Variants in FRMPD4 observed in about 807,000 individuals in gnomAD.
FRMPD4 encodes FERM and PDZ domain containing 4, also known as FERM and PDZ domain-containing protein 4.
In FRMPD4, 22 loss-of-function variants were observed where a neutral mutation model predicts 94.1. The ratio of observed to expected loss-of-function variants is 0.23; its 90% CI spans 0.17 to 0.33. FRMPD4 has a LOEUF of 0.33. Ranked by LOEUF, FRMPD4 falls within the 10% of genes least tolerant of loss-of-function variation. The probability of loss-of-function intolerance (pLI) is 1.00; values close to 1 mark genes in which losing one functional copy is unlikely to be tolerated. For missense variants in FRMPD4, 1,111 were observed against 1,339.9 expected (o/e 0.83, Z 2.67); for synonymous variants, 631 against 548.6 (o/e 1.15, Z -2.10).
intron 3 of FRMPD4, among the ~76,000 whole-genome samples, chrX:11,893,762 C>T (rs932938492): frequency 1.8e-5 from 2 of 111,512 alleles, no homozygotes; most frequent in Non-Finnish European, 3.8e-5. Flanking sequence ...CTAGGTGCAA[C>T]TACCATCCAA....
At chrX:12,474,676 T>C (rs757685832) in intron 1 of FRMPD4, among the ~76,000 whole-genome samples, 177 of 111,618 alleles carry the variant, frequency 1.6e-3, no homozygotes, top group African/African-American at 5.4e-3. Flanking sequence ...GAGAATACTA[T>C]AAACACCTCT....
intron 1 of FRMPD4, among the ~76,000 whole-genome samples, chrX:12,170,654 G>T (rs1181028965): frequency 8.9e-6 from 1 of 112,535 alleles, no homozygotes; most frequent in African/African-American, 3.2e-5. Flanking sequence ...ATTTTAAGCT[G>T]CTCCATTCTT....
chrX:12,107,651 T>C (rs767213111), intron 3 of FRMPD4, among the ~76,000 whole-genome samples: 2 of 111,228 alleles, frequency 1.8e-5, no homozygotes, highest in Non-Finnish European at 3.8e-5. Flanking sequence ...TTTGAACCCA[T>C]CACAAAGAAG....
At chrX:11,884,687 A>G (rs764270568) in intron 3 of FRMPD4, among the ~76,000 whole-genome samples, 15 of 111,601 alleles carry the variant, frequency 1.3e-4, no homozygotes, top group Non-Finnish European at 2.8e-4. Context: ...GTTTTAAGAG[A>G]TAATTGAGTT....
intron 1 of FRMPD4, among the ~76,000 whole-genome samples, chrX:11,856,524 T>A (rs1478364517): frequency 9.0e-6 from 1 of 111,117 alleles, no homozygotes; most frequent in Non-Finnish European, 1.9e-5. Context: ...TTAAAAAAAC[T>A]CTCAATAAGC....
intron 11 of FRMPD4, among the ~76,000 whole-genome samples, chrX:12,705,431 T>C (rs1009276096): frequency 4.5e-5 from 5 of 112,160 alleles, no homozygotes; most frequent in Middle Eastern, 4.6e-3. Context: ...TACAAATCAC[T>C]GTTTACGTGG....
chrX:12,019,002 C>T (rs998745739), intron 3 of FRMPD4, among the ~76,000 whole-genome samples: 9 of 111,566 alleles, frequency 8.1e-5, no homozygotes, highest in Non-Finnish European at 1.5e-4. Flanking sequence ...TTAAGTATTA[C>T]TCCCACCACG....
At chrX:12,223,333 A>G (rs956372377) in intron 1 of FRMPD4, among the ~76,000 whole-genome samples, 14 of 112,312 alleles carry the variant, frequency 1.2e-4, no homozygotes, top group Admixed American at 1.0e-3. Context: ...TGTTATCCTA[A>G]GCAAATTAAT....
chrX:12,287,656 C>T (rs926218965), intron 1 of FRMPD4, among the ~76,000 whole-genome samples: 1 of 111,466 alleles, frequency 9.0e-6, no homozygotes, highest in Non-Finnish European at 1.9e-5. Context: ...GAGTTGAGAC[C>T]AAGTGTCAAG....
intron 3 of FRMPD4, among the ~76,000 whole-genome samples, chrX:12,130,102 A>AAGAGAGAGAGAGAGAGAGAG (rs10533802): frequency 9.7e-5 from 9 of 92,717 alleles, no homozygotes; most frequent in Non-Finnish European, 8.4e-5. Flanking sequence ...GAGCCAGCGG[A>AAGAGAGAGAGAGAGAGAGAG]AGAGAGAGAG....
At chrX:12,070,359 T>TA (rs1351702768) in intron 3 of FRMPD4, among the ~76,000 whole-genome samples, 3 of 111,724 alleles carry the variant, frequency 2.7e-5, no homozygotes, top group Non-Finnish European at 5.6e-5. Flanking sequence ...TCCAAAAATT[T>TA]AAAAAAATAG....
At position 12,618,774 on chromosome X, in the gene FRMPD4, T is replaced by A. The variant is rs370417166; in HGVS notation, c.422+3893T>A. ...TGCACTAGATTTTTTGGATTAGAGA[T>A]GCAACTGGGAACCTGATAAATGCCA... On this transcript the variant is annotated intron_variant, in intron 4 of 16. Transcript: ENST00000675598. Among the ~76,000 whole-genome samples the A allele has an allele frequency of 6.3e-5, 7 of 111,686 alleles. No homozygotes were observed. The South Asian group carries it at 2.3e-3, about 36-fold the overall frequency.
intron 1 of FRMPD4, among the ~76,000 whole-genome samples, chrX:12,285,051 G>A (rs2054581177): frequency 8.9e-6 from 1 of 111,830 alleles, no homozygotes; most frequent in Non-Finnish European, 1.9e-5. Flanking sequence ...TTTCATGAAT[G>A]TATTATTCAA....
At chrX:12,002,467 T>C (rs1272872036) in intron 3 of FRMPD4, among the ~76,000 whole-genome samples, 3 of 112,253 alleles carry the variant, frequency 2.7e-5, no homozygotes, top group African/African-American at 9.7e-5. Context: ...AAAAGCCAAG[T>C]AAAATTAAGT....
chrX:12,210,622 C>T (rs1247885356), intron 1 of FRMPD4, among the ~76,000 whole-genome samples: 1 of 111,093 alleles, frequency 9.0e-6, no homozygotes. Context: ...TCTTAACTTA[C>T]ATTTGAAAGT....
chrX:12,171,261 C>A (rs1278804439), intron 1 of FRMPD4, among the ~76,000 whole-genome samples: 1 of 112,253 alleles, frequency 8.9e-6, no homozygotes, highest in East Asian at 2.8e-4. Context: ...TGAAATGCAT[C>A]AGGCAAGGAT....
chrX:12,718,140 G>T lies in FRMPD4; in HGVS notation c.3314G>T (p.Ser1105Ile), dbSNP rs1569075860. 1 of 1,211,891 alleles carries T rather than the reference G, an allele frequency of 8.3e-7. No individual in the cohort carries two copies. Among genetic ancestry groups the T allele is most frequent in the Admixed American group, 2.2e-5 (1 of 46,092 alleles). Residue 1105 changes from serine (S) to isoleucine (I), a missense_variant, in exon 16 of 17, where the codon AGT (serine) becomes ATT (isoleucine). Transcript: ENST00000675598. Reference sequence around the variant, plus strand: ...ACTGAAGGTGGGATGGCTGAAAAAAGTGGATTAGAAGCAGCAACAGGGAAA... The same window carrying T: ...ACTGAAGGTGGGATGGCTGAAAAAATTGGATTAGAAGCAGCAACAGGGAAA... ...VATEGGMAEK[S>I]GLEAATGKTF...
intron 1 of FRMPD4, among the ~76,000 whole-genome samples, chrX:12,385,851 T>G (rs1208508020): frequency 8.9e-6 from 1 of 112,458 alleles, no homozygotes; most frequent in East Asian, 2.8e-4. Flanking sequence ...AGAGGGAACC[T>G]TGTTTGAAAA....
intron 2 of FRMPD4, among the ~76,000 whole-genome samples, chrX:12,607,933 A>G (rs1182658933): frequency 8.9e-6 from 1 of 112,577 alleles, no homozygotes; most frequent in African/African-American, 3.2e-5. Context: ...CTTATTAATT[A>G]TGCAGAAAGA....
Sources: allele counts gnomAD v4.1 joint callset (sites outside exome capture counted in the v4.1 genomes callset), GRCh38; gene constraint gnomAD v4.1.1; transcripts MANE v1.5; gene names NCBI Gene and HGNC (gene_info 2026-07-23, HGNC 2026-07-21).